The following PTPRS variants were observed in gnomAD, a reference collection of about 807,000 sequenced individuals.
The protein encoded by PTPRS is protein tyrosine phosphatase receptor type S, also known as receptor-type tyrosine-protein phosphatase S.
PTPRS carries 63 observed loss-of-function variants against 215.3 expected under a neutral mutation model. That is an observed-to-expected ratio of 0.29 (90% CI 0.24 to 0.36). The LOEUF is 0.36. Ranked by LOEUF, PTPRS falls within the 10% of genes least tolerant of loss-of-function variation. PTPRS has a pLI of 1.00. For synonymous variants in PTPRS, 1,404 were observed against 1,191.4 expected (o/e 1.18, Z -3.68); for missense variants, 2,258 against 2,825.8 (o/e 0.80, Z 4.56).
At chr19:5,215,844 G>T (rs926750567) in intron 26 of PTPRS, among the ~76,000 whole-genome samples, 1 of 152,138 alleles carries the variant, frequency 6.6e-6, no homozygotes, top group Non-Finnish European at 1.5e-5. Context: ...GACACCCCTG[G>T]AGGGGCCTGG....
chr19:5,223,384 C>T, intron 17 of PTPRS, 87 bp from the exon 18 acceptor site: 1 of 1,354,416 alleles, frequency 7.4e-7, no homozygotes, highest in South Asian at 1.8e-5. Context: ...TAATTCTTTT[C>T]CTTCAATATA....
At position 5,210,006 on chromosome 19, in the gene PTPRS, T is replaced by A. The variant is rs2040719056; in HGVS notation, c.5487+463A>T. ...TGAGTCTTCATCTGTTGCCACCTAA[T>A]ACCTGGCCTTTCTCCCTCCACCTGA... On this transcript the variant is annotated intron_variant, in intron 35 of 37. Transcript: ENST00000262963. The surrounding 1 kb of genome is among the most constrained non-coding windows in gnomAD (Gnocchi z 4.5). Among the ~76,000 whole-genome samples the A allele has an allele frequency of 6.6e-6, 1 of 152,194 alleles. No individual in the cohort carries two copies. The highest frequency in any genetic ancestry group is 6.5e-5 in the Admixed American group (1 of 15,282).
At chr19:5,319,168 T>C (rs1027926527) in intron 1 of PTPRS, among the ~76,000 whole-genome samples, 11 of 152,108 alleles carry the variant, frequency 7.2e-5, no homozygotes, top group African/African-American at 2.7e-4. Context: ...TCCCAGCACT[T>C]TGGGAAGCCA....
rs774159488 is a variant in PTPRS at position 5,220,061 on chromosome 19, C to A, written c.3643G>T (p.Val1215Leu). 2 of 1,613,940 alleles carry A rather than the reference C, an allele frequency of 1.2e-6. No individual in the cohort carries two copies. Among genetic ancestry groups the A allele is most frequent in the Non-Finnish European group, 1.7e-6 (2 of 1,180,056 alleles). ...CCGGGATGGAACGTGGGTGGCAGCA[C>A]AGAGAAGCGAGCTGCAATATAGGGC... is the stretch of plus-strand genomic sequence containing the variant. ...PRPYIAARFS[V>L]LPPTFHPGDQ... Residue 1215 changes from valine to leucine, a missense_variant, in exon 22 of 38, where the codon GTG becomes TTG. Coordinates refer to ENST00000262963, the MANE Select transcript of PTPRS (RefSeq NM_002850.4).
rs1209522653 is a variant in PTPRS at position 5,210,909 on chromosome 19, C to T, written c.5235-104G>A. 5.6e-6 allele frequency: 8 copies of T among 1,438,660 alleles called. No individual in the cohort carries two copies. The African/African-American group carries it at 7.0e-5, about 13-fold the overall frequency. The allele number at this position is 1,438,660 out of a possible 1,614,324, so 89.1% of individuals were successfully genotyped here. On this transcript the variant is annotated intron_variant, in intron 33 of 37. Coordinates refer to ENST00000262963, the MANE Select transcript of PTPRS (RefSeq NM_002850.4). This position sits in a 1 kb window ranked among gnomAD's most constrained non-coding sequence, Gnocchi z 4.5. ...CAGGACCAAGCCAGTGACAGCTACACCTACCACCCCACTGCCTGCCAGGAA... is the reference window on the plus strand; with the variant it reads ...CAGGACCAAGCCAGTGACAGCTACATCTACCACCCCACTGCCTGCCAGGAA...
intron 2 of PTPRS, among the ~76,000 whole-genome samples, chr19:5,281,259 G>A (rs996751711): frequency 2.6e-5 from 4 of 151,800 alleles, no homozygotes; most frequent in African/African-American, 4.8e-5. Context: ...TCAGGAGTTC[G>A]AGACCAGCTT....
chr19:5,231,335 G>A lies in PTPRS; in HGVS notation c.2130C>T (p.Pro710=), dbSNP rs1382380143. The A allele has an allele frequency of 1.8e-5, 29 of 1,610,536 alleles. No individual in the cohort carries two copies. The highest frequency in any genetic ancestry group is 1.3e-4 in the Admixed American group (8 of 59,984). ...CATCCTCGTCGGTGCGGACGACCACGGGCGAGCTCTCGGGCCCTGGTCCCA... is the reference window on the plus strand; with the variant it reads ...CATCCTCGTCGGTGCGGACGACCACAGGCGAGCTCTCGGGCCCTGGTCCCA... ...TEVGPGPESS[P]VVVRTDEDVP... The change falls in exon 14 of 38, where the codon CCC becomes CCT. Residue 710 remains proline, a synonymous_variant. Transcript: ENST00000262963.
Position 5,221,049 on chromosome 19 carries a change from C to T in PTPRS, c.3406G>A (p.Gly1136Ser), listed in dbSNP as rs140049694. Reference sequence around the variant, plus strand: ...TCAGGAAGATACACCATGATGAAGCCGTCAGCATCAGGCTTGGGGGCGACG... The same window carrying T: ...TCAGGAAGATACACCATGATGAAGCTGTCAGCATCAGGCTTGGGGGCGACG... The part of the protein sequence containing the change: ...PSVAPKPDAD[G>S]FIMVYLPDGQ... The change falls in exon 20 of 38, where the codon GGC (glycine) becomes AGC (serine). Residue 1136 changes from glycine to serine, a missense_variant. By Grantham distance (56) the Gly-to-Ser change is moderately conservative. Coordinates refer to ENST00000262963, the MANE Select transcript of PTPRS (RefSeq NM_002850.4). 121 of 1,613,684 alleles carry T rather than the reference C, an allele frequency of 7.5e-5. No homozygotes were observed. Among genetic ancestry groups the T allele is most frequent in the African/African-American group, 1.1e-4 (8 of 75,022 alleles).
rs558594269 is a variant in PTPRS, at chr19:5,286,781, T to C, written c.-94-547A>G. Among the ~76,000 whole-genome samples the C allele has an allele frequency of 1.9e-4, 29 of 152,102 alleles. No individual in the cohort carries two copies. In the South Asian group the frequency reaches 5.2e-3, roughly 27 times the overall value. On this transcript the variant is annotated intron_variant, in intron 1 of 37. Transcript: ENST00000262963. Reference sequence around the variant, plus strand: ...ACTAAGACAGCCTCCAACCACCAGCTAAACCCCAACCCCAGCATGAGTCCC... The same window carrying C: ...ACTAAGACAGCCTCCAACCACCAGCCAAACCCCAACCCCAGCATGAGTCCC...
rs767677619 is a variant in PTPRS, at chr19:5,244,449, G to C, written c.1022C>G (p.Thr341Ser). ...LPKAPGTPMV[T>S]ENTATSITIT... The stretch of plus-strand genomic sequence containing the variant: ...GGTGATGCTGGTGGCTGTGTTCTCA[G>C]TCACCATGGGAGTCCCGGGAGCTTT... The change falls in exon 11 of 38, where the codon ACT becomes AGT. Residue 341 changes from threonine to serine, a missense_variant. By Grantham distance (58) the Thr-to-Ser change is moderately conservative. Around this residue, in one of 6 missense-constraint regions of PTPRS, gnomAD observed 508 missense variants for 799.4 expected, o/e 0.64. Coordinates refer to ENST00000262963, the MANE Select transcript of PTPRS (RefSeq NM_002850.4). This position sits in a 1 kb window ranked among gnomAD's most constrained non-coding sequence, Gnocchi z 7.2. 4 of 1,614,026 alleles carry C rather than the reference G, an allele frequency of 2.5e-6. No individual in the cohort carries two copies. The East Asian group carries it at 6.7e-5, about 27-fold the overall frequency.
rs887623690 is a variant in PTPRS, at chr19:5,294,903, C to A, written c.-94-8669G>T. 2.6e-5 allele frequency among the ~76,000 whole-genome samples: 4 copies of A among 152,154 alleles called. No individual in the cohort carries two copies. Among genetic ancestry groups the A allele is most frequent in the Admixed American group, 2.0e-4 (3 of 15,286 alleles). ...CGTGACGTCCCCCGTCCCACGCAGC[C>A]CCATCCTCGACGAGGTACACAGTAG... On this transcript the variant is annotated intron_variant, in intron 1 of 37. Coordinates refer to ENST00000262963, the MANE Select transcript of PTPRS (RefSeq NM_002850.4). The surrounding 1 kb of genome is among the most constrained non-coding windows in gnomAD (Gnocchi z 5.1).
At chr19:5,297,824 G>A (rs61658451) in intron 1 of PTPRS, among the ~76,000 whole-genome samples, 6,407 of 135,902 alleles carry the variant, frequency 0.047, 502 homozygotes, top group African/African-American at 0.16. Context: ...ACAGAGTCTC[G>A]TTCCATCGCC....
intron 13 of PTPRS, among the ~76,000 whole-genome samples, chr19:5,234,105 C>T (rs1262563731): frequency 6.6e-6 from 1 of 152,006 alleles, no homozygotes; most frequent in Non-Finnish European, 1.5e-5. Flanking sequence ...TTACTGGCCA[C>T]CTACTGTAGG....
chr19:5,207,880 G>T (rs748597670), intron 37 of PTPRS, 42 bp downstream of exon 37: 1 of 1,604,658 alleles, frequency 6.2e-7, no homozygotes, highest in Non-Finnish European at 8.5e-7. Flanking sequence ...GGGCAGTCGG[G>T]GCGTGAGGCC....
Position 5,214,441 on chromosome 19 carries a change from T to C in PTPRS, c.4534A>G (p.Thr1512Ala), listed in dbSNP as rs1197491728. The C allele has an allele frequency of 6.2e-7, 1 of 1,614,122 alleles. No homozygotes were observed. Among genetic ancestry groups the C allele is most frequent in the South Asian group, 1.1e-5 (1 of 91,078 alleles). ...DQYWPNRGTETYGFIQVTLLD... is the reference protein window; with the variant it reads ...DQYWPNRGTEAYGFIQVTLLD... Reference sequence around the variant, plus strand: ...AACGTGACCTGGATGAAGCCGTAGGTCTCCGTGCCTCTGTTGGGCCAATAC... The same window carrying C: ...AACGTGACCTGGATGAAGCCGTAGGCCTCCGTGCCTCTGTTGGGCCAATAC... Residue 1512 changes from threonine to alanine, a missense_variant, in exon 30 of 38, where the codon ACC becomes GCC. This residue lies in a region of PTPRS where 927 missense variants were observed against 1,125.9 expected (regional missense o/e 0.82). Coordinates refer to ENST00000262963, the MANE Select transcript of PTPRS (RefSeq NM_002850.4).
intron 9 of PTPRS, among the ~76,000 whole-genome samples, chr19:5,254,230 A>G (rs1164444948): frequency 6.6e-6 from 1 of 152,220 alleles, no homozygotes; most frequent in African/African-American, 2.4e-5. Context: ...GTTAATAAGC[A>G]AATCTTACTG....
At chr19:5,311,574 G>A (rs2049703612) in intron 1 of PTPRS, among the ~76,000 whole-genome samples, 1 of 152,172 alleles carries the variant, frequency 6.6e-6, no homozygotes, top group African/African-American at 2.4e-5. Flanking sequence ...CCCCTGGGTG[G>A]AGGCTGGGGG....
At chr19:5,215,245 T>G (rs1057105289) in intron 28 of PTPRS, 44 bp downstream of exon 28, 2 of 1,607,654 alleles carry the variant, frequency 1.2e-6, no homozygotes, top group Non-Finnish European at 1.7e-6. Context: ...GCACTTTCCA[T>G]GCAGTGGGGA....
At chr19:5,232,335 CTAT>C (rs1173923703) in intron 13 of PTPRS, among the ~76,000 whole-genome samples, 10 of 151,084 alleles carry the variant, frequency 6.6e-5, no homozygotes, top group African/African-American at 2.4e-4. Flanking sequence ...TATTAGGCAC[CTAT>C]TATGTGCCAG....
Sources: allele counts gnomAD v4.1 joint callset (sites outside exome capture counted in the v4.1 genomes callset), GRCh38; gene constraint gnomAD v4.1.1; regional missense constraint gnomAD v4.1.1; non-coding constraint Gnocchi (gnomAD v3.1); transcripts MANE v1.5; gene names NCBI Gene and HGNC (gene_info 2026-07-23, HGNC 2026-07-21).